The following SCML4 variants were observed in gnomAD, a reference collection of about 807,000 sequenced individuals.
SCML4 encodes the protein sex comb on midleg-like protein 4.
SCML4 carries 34 observed loss-of-function variants against 41.1 expected under a neutral mutation model. The observed-to-expected ratio is 0.83, with a 90% confidence interval of 0.63 to 1.10. The LOEUF is 1.10. SCML4 is among the 50% of genes least tolerant of loss of function. The probability of loss-of-function intolerance (pLI) is 0.00; values close to 1 mark genes in which losing one functional copy is unlikely to be tolerated. For missense variants in SCML4, 522 were observed against 534.1 expected (o/e 0.98, Z 0.22); for synonymous variants, 214 against 220.9 (o/e 0.97, Z 0.28).
Position 107,804,044 on chromosome 6 carries a change from A to G in SCML4, c.-60+20082T>C, listed in dbSNP as rs375617746. 2.6e-4 allele frequency among the ~76,000 whole-genome samples: 33 copies of G among 127,572 alleles called. No individual in the cohort carries two copies. In the East Asian group the frequency reaches 6.1e-3, roughly 24 times the overall value. 83.7% of individuals were successfully genotyped at this position (127,572 alleles called of 152,430 possible). On this transcript the variant is annotated intron_variant, in intron 1 of 7. Transcript: ENST00000369020. ...CTGCGAGAAACACCCAAGAATGATC[A>G]ATAACAAAAAAAAAAAGAAAAAGAA...
At chr6:107,820,214 C>T (rs1202753676) in intron 1 of SCML4, among the ~76,000 whole-genome samples, 1 of 152,178 alleles carries the variant, frequency 6.6e-6, no homozygotes, top group Non-Finnish European at 1.5e-5. Flanking sequence ...AGGAGCCCAG[C>T]AATGCTAACA....
chr6:107,790,126 C>T (rs1486640757), intron 1 of SCML4, among the ~76,000 whole-genome samples: 1 of 152,108 alleles, frequency 6.6e-6, no homozygotes. Flanking sequence ...GTTTCATCTC[C>T]CAGCGCTTCT....
intron 2 of SCML4, among the ~76,000 whole-genome samples, chr6:107,750,061 T>C (rs1323906581): frequency 6.6e-6 from 1 of 152,150 alleles, no homozygotes; most frequent in Non-Finnish European, 1.5e-5. Context: ...TGTCAGGCAG[T>C]GAGTGCAGGA....
At chr6:107,757,765 TTAC>T (rs1779233119) in intron 2 of SCML4, among the ~76,000 whole-genome samples, 2 of 152,336 alleles carry the variant, frequency 1.3e-5, no homozygotes, top group South Asian at 4.1e-4. Flanking sequence ...ATTATTATTG[TTAC>T]TTTTAGAAAT....
intron 1 of SCML4, among the ~76,000 whole-genome samples, chr6:107,800,323 C>T (rs1184169772): frequency 6.6e-6 from 1 of 152,090 alleles, no homozygotes; most frequent in Admixed American, 6.5e-5. Context: ...ATCGCAAGCC[C>T]TTTTCTCTAT....
At chr6:107,728,076 C>A (rs563533618) in intron 5 of SCML4, among the ~76,000 whole-genome samples, 65 of 152,260 alleles carry the variant, frequency 4.3e-4, no homozygotes, top group Non-Finnish European at 7.9e-4. Context: ...TATATAAATT[C>A]TTTAGGTAGA....
At chr6:107,845,726 G>A in the SCML4 span, among the ~76,000 whole-genome samples, 3 of 152,210 alleles carry the variant, frequency 2.0e-5, no homozygotes, top group Non-Finnish European at 4.4e-5. Flanking sequence ...GGTTACATTA[G>A]GGTTTTATGA....
chr6:107,794,781 A>G (rs1329627833), intron 1 of SCML4, among the ~76,000 whole-genome samples: 2 of 152,214 alleles, frequency 1.3e-5, no homozygotes, highest in Non-Finnish European at 2.9e-5. Context: ...CTAACAGGCC[A>G]GAAGTCTGAA....
intron 6 of SCML4, among the ~76,000 whole-genome samples, chr6:107,708,541 A>C (rs7742875): frequency 0.76 from 114,626 of 151,774 alleles, 43,477 homozygotes; most frequent in Admixed American, 0.81. Flanking sequence ...TCTCCACGGT[A>C]TCTGCAGAAT....
At chr6:107,716,395 TTCTTTA>T (rs1213328156) in intron 6 of SCML4, among the ~76,000 whole-genome samples, 2 of 152,246 alleles carry the variant, frequency 1.3e-5, no homozygotes, top group Non-Finnish European at 2.9e-5. Flanking sequence ...GAACCTCTTT[TTCTTTA>T]TCTTTAAATC....
intron 1 of SCML4, among the ~76,000 whole-genome samples, chr6:107,799,965 C>CTTT (rs1318508281): frequency 1.7e-4 from 24 of 141,388 alleles, no homozygotes; most frequent in African/African-American, 6.2e-4. Flanking sequence ...GGATATGTTC[C>CTTT]TTTTTTTTTT....
At chr6:107,737,883 A>C (rs530351931) in intron 5 of SCML4, among the ~76,000 whole-genome samples, 1 of 152,062 alleles carries the variant, frequency 6.6e-6, no homozygotes, top group South Asian at 2.1e-4. Flanking sequence ...TTGTACCCCA[A>C]AAACTTGTAC....
chr6:107,799,615 T>C (rs2114629906), intron 1 of SCML4, among the ~76,000 whole-genome samples: 1 of 152,288 alleles, frequency 6.6e-6, no homozygotes, highest in East Asian at 1.9e-4. Flanking sequence ...ATTTGTTTAG[T>C]TTTGTCCTTT....
intron 6 of SCML4, among the ~76,000 whole-genome samples, chr6:107,716,305 C>T (rs141925917): frequency 1.3e-5 from 2 of 152,262 alleles, no homozygotes; most frequent in East Asian, 3.9e-4. Flanking sequence ...GATTTGAAAA[C>T]CCCTGGGGTT....
intron 1 of SCML4, among the ~76,000 whole-genome samples, chr6:107,803,278 C>T (rs532332267): frequency 1.4e-5 from 2 of 145,986 alleles, no homozygotes; most frequent in South Asian, 2.3e-4. Flanking sequence ...GCCTGGCAAC[C>T]GCCCCATCTG....
At chr6:107,800,466 A>C (rs1783034108) in intron 1 of SCML4, among the ~76,000 whole-genome samples, 1 of 152,118 alleles carries the variant, frequency 6.6e-6, no homozygotes, top group African/African-American at 2.4e-5. Flanking sequence ...CTTTGAATTC[A>C]ACTCCTGCAG....
Position 107,745,097 on chromosome 6 carries a change from C to T in SCML4, c.534G>A (p.Val178=). 6.2e-7 allele frequency: 1 copy of T among 1,608,938 alleles called. No individual in the cohort carries two copies. The highest frequency in any genetic ancestry group is 1.1e-5 in the South Asian group (1 of 90,270). Reference sequence around the variant, plus strand: ...GGAGGACATAGCCGATGCTGTTCACCACAGGCAGGCTCCGCAGGTGCTGTT... The same window carrying T: ...GGAGGACATAGCCGATGCTGTTCACTACAGGCAGGCTCCGCAGGTGCTGTT... ...DGKQHLRSLP[V]VNSIGYVLRF... The change falls in exon 5 of 8, where the codon GTG becomes GTA. Residue 178 remains valine (V), a synonymous_variant. Coordinates refer to ENST00000369020, the MANE Select transcript of SCML4 (RefSeq NM_198081.5).
rs552360527 is a variant in SCML4, at chr6:107,707,859, C to G, written c.1119+7G>C. The G allele has an allele frequency of 6.4e-7, 1 of 1,551,706 alleles. No individual in the cohort carries two copies. Among genetic ancestry groups the G allele is most frequent in the Non-Finnish European group, 8.7e-7 (1 of 1,146,996 alleles). On this transcript the variant is annotated splice_region_variant and intron_variant, in intron 7 of 7. Coordinates refer to ENST00000369020, the MANE Select transcript of SCML4 (RefSeq NM_198081.5). ...CCCCCCCAAGGTCAAACCCACCACT[C>G]GCATACGTGCTTTCTGAAGAGCTCC...
At chr6:107,769,640 C>A (rs1336263082) in intron 2 of SCML4, among the ~76,000 whole-genome samples, 4 of 151,990 alleles carry the variant, frequency 2.6e-5, no homozygotes, top group African/African-American at 9.7e-5. Flanking sequence ...TTATTAACAT[C>A]AATATATCAT....
Sources: gnomAD v4.1 joint callset for allele counts (sites outside exome capture counted in the v4.1 genomes callset) on GRCh38, gnomAD v4.1.1 for gene constraint, MANE v1.5 for transcripts, NCBI Gene and HGNC (gene_info 2026-07-23, HGNC 2026-07-21) for gene names.